PCDHA11: variants seen among roughly 807,000 people sequenced by gnomAD.
PCDHA11 encodes protocadherin alpha 11.
In PCDHA11, 61 loss-of-function variants were observed where a neutral mutation model predicts 70.3. The ratio of observed to expected loss-of-function variants is 0.87; its 90% CI spans 0.71 to 1.07. The LOEUF (loss-of-function observed/expected upper bound fraction) is 1.07, where lower values mean the gene tolerates loss of function less well. Among genes scored for constraint, PCDHA11 ranks in the 50% least tolerant of loss-of-function variants. The pLI, the probability that PCDHA11 is intolerant of heterozygous loss-of-function variation, is 0.00. For missense variants in PCDHA11, 1,324 were observed against 1,237.5 expected, an observed-to-expected ratio of 1.07 and a Z score of -1.05; for synonymous variants, 633 against 555.1, an observed-to-expected ratio of 1.14 and a Z score of -1.97.
chr5:140,875,792 A>G, intron 1 of PCDHA11: 1 of 1,614,116 alleles, frequency 6.2e-7, no homozygotes, highest in East Asian at 2.2e-5. Context: ...ATCCACCTGG[A>G]GGTGATCGTG....
chr5:140,926,976 GGA>G (rs1184794302), intron 1 of PCDHA11: 3 of 1,610,286 alleles, frequency 1.9e-6, no homozygotes, highest in Non-Finnish European at 2.5e-6. Context: ...CAGTGCCGGA[GGA>G]GACGGAGCGG....
intron 1 of PCDHA11, among the ~76,000 whole-genome samples, chr5:140,955,006 C>G (rs1304080416): frequency 6.6e-6 from 1 of 152,154 alleles, no homozygotes; most frequent in African/African-American, 2.4e-5. Flanking sequence ...AGCCAATTCT[C>G]CCAGCACCAT....
chr5:140,871,045 G>C lies in PCDHA11; in HGVS notation c.1942G>C (p.Val648Leu). 1 of 1,613,386 alleles carries C rather than the reference G, an allele frequency of 6.2e-7. No homozygotes were observed. Among genetic ancestry groups the C allele is most frequent in the African/African-American group, 1.3e-5 (1 of 75,068 alleles). The stretch of plus-strand genomic sequence containing the variant: ...AGACTCGCCGCGCCACCGACTTCTA[G>C]TACTGGTGAAGGATCACGGTGAGCC... ...EADSPRHRLL[V>L]LVKDHGEPAL... Residue 648 changes from valine to leucine, a missense_variant, in exon 1 of 4, where the codon GTA becomes CTA. Physicochemically the swap from Val to Leu is conservative, Grantham distance 32. Transcript: ENST00000398640.
intron 1 of PCDHA11, among the ~76,000 whole-genome samples, chr5:140,880,869 G>C (rs1017640769): frequency 6.6e-6 from 1 of 152,064 alleles, no homozygotes. Context: ...TATGTGAAGA[G>C]GTAAATAAAG....
intron 3 of PCDHA11, among the ~76,000 whole-genome samples, chr5:140,989,525 GAGGA>G (rs2097345403): frequency 6.6e-6 from 1 of 152,218 alleles, no homozygotes; most frequent in African/African-American, 2.4e-5. Flanking sequence ...GAGGGCAGAG[GAGGA>G]AGATAGTTTG....
chr5:140,957,954 T>G (rs2095401085), intron 1 of PCDHA11, among the ~76,000 whole-genome samples: 2 of 152,138 alleles, frequency 1.3e-5, no homozygotes, highest in Admixed American at 1.3e-4. Context: ...TTAAGACTAT[T>G]AATTCAGAGA....
rs1207012137 is a variant in PCDHA11, at chr5:140,870,443, T to G, written c.1340T>G (p.Val447Gly). ...TARVSVEVAD[V>G]NDNAPAFAQP... is the part of the protein sequence containing the mutation. ...AGGGTATCCGTGGAGGTGGCCGACG[T>G]GAACGACAATGCGCCTGCGTTCGCA... Residue 447 changes from valine to glycine, a missense_variant, in exon 1 of 4, where the codon GTG (valine) becomes GGG (glycine). Coordinates refer to ENST00000398640, the MANE Select transcript of PCDHA11 (RefSeq NM_018902.5). The G allele has an allele frequency of 6.2e-7, 1 of 1,614,094 alleles. No individual in the cohort carries two copies. The highest frequency in any genetic ancestry group is 8.5e-7 in the Non-Finnish European group (1 of 1,180,040).
chr5:140,911,404 A>G (rs2075457175), intron 1 of PCDHA11, among the ~76,000 whole-genome samples: 1 of 152,174 alleles, frequency 6.6e-6, no homozygotes, highest in African/African-American at 2.4e-5. Flanking sequence ...CAGGTCAGCC[A>G]CTGGTATGAT....
intron 1 of PCDHA11, chr5:140,927,167 C>A (rs782612848): frequency 6.2e-7 from 1 of 1,614,164 alleles, no homozygotes; most frequent in Admixed American, 1.7e-5. Context: ...GCCAAAGCTG[C>A]CTGCGTCTTG....
intron 1 of PCDHA11, among the ~76,000 whole-genome samples, chr5:140,964,114 C>T (rs1227257943): frequency 6.6e-6 from 1 of 151,992 alleles, no homozygotes; most frequent in Non-Finnish European, 1.5e-5. Context: ...TGAGCAATCA[C>T]ATTCTAACAA....
chr5:140,884,355 T>C, intron 1 of PCDHA11: 1 of 1,613,922 alleles, frequency 6.2e-7, no homozygotes, highest in Admixed American at 1.7e-5. Context: ...CTGGTGGATG[T>C]CAATGTTTAC....
chr5:140,952,192 G>T (rs572613863), intron 1 of PCDHA11, among the ~76,000 whole-genome samples: 3 of 152,080 alleles, frequency 2.0e-5, no homozygotes, highest in Non-Finnish European at 4.4e-5. Context: ...TCATGGGTTG[G>T]TGTTGAATGC....
intron 1 of PCDHA11, among the ~76,000 whole-genome samples, chr5:140,902,823 G>A (rs182466889): frequency 1.6e-3 from 246 of 151,864 alleles, no homozygotes; most frequent in Non-Finnish European, 2.9e-3. Flanking sequence ...TTTGGTTTTC[G>A]ATTTCTGAGT....
In PCDHA11 at chr5:140,869,747, C is replaced by G. The variant is rs1554163400; in HGVS notation, c.644C>G (p.Thr215Arg). 1.2e-6 allele frequency: 2 copies of G among 1,613,158 alleles called. No individual in the cohort carries two copies. Reference protein sequence around the residue: ...TPELNLLLTATDGGKPELTGT... With the variant: ...TPELNLLLTARDGGKPELTGT... Reference sequence around the variant, plus strand: ...GAACTTAATTTGCTGCTAACAGCTACAGACGGGGGAAAACCAGAGCTTACT... The same window carrying G: ...GAACTTAATTTGCTGCTAACAGCTAGAGACGGGGGAAAACCAGAGCTTACT... Residue 215 changes from threonine (T) to arginine (R), a missense_variant, in exon 1 of 4, where the codon ACA (threonine) becomes AGA (arginine). Coordinates refer to ENST00000398640, the MANE Select transcript of PCDHA11 (RefSeq NM_018902.5).
At chr5:141,008,014 CT>C (rs1268690822) in intron 3 of PCDHA11, among the ~76,000 whole-genome samples, 12 of 152,070 alleles carry the variant, frequency 7.9e-5, no homozygotes, top group African/African-American at 1.7e-4. Flanking sequence ...CTTCTGTTTC[CT>C]TTTTTTTCTT....
chr5:141,009,948 T>C lies in PCDHA11; in HGVS notation c.*11T>C, dbSNP rs201131092. 1 of 1,595,948 alleles carries C rather than the reference T, an allele frequency of 6.3e-7. No individual in the cohort carries two copies. The highest frequency in any genetic ancestry group is 1.4e-5 in the African/African-American group (1 of 73,610). On this transcript the variant is annotated 3_prime_UTR_variant, in exon 4 of 4. Coordinates refer to ENST00000398640, the MANE Select transcript of PCDHA11 (RefSeq NM_018902.5). ...AACAGTGACCAGTGAGGTCCTCAAA[T>C]GGAAACAAGCCACTTAGCCAGTTTT...
chr5:140,882,656 C>T, intron 1 of PCDHA11: 1 of 1,614,192 alleles, frequency 6.2e-7, no homozygotes, highest in Non-Finnish European at 8.5e-7. Flanking sequence ...TAACGACAAC[C>T]CGCCCATATT....
At chr5:140,901,405 G>A (rs1366026091) in intron 1 of PCDHA11, among the ~76,000 whole-genome samples, 1 of 152,128 alleles carries the variant, frequency 6.6e-6, no homozygotes, top group Non-Finnish European at 1.5e-5. Flanking sequence ...TGAGAGATAG[G>A]GGTCTAGTTT....
At chr5:140,954,577 A>T (rs1426426958) in intron 1 of PCDHA11, among the ~76,000 whole-genome samples, 2 of 151,954 alleles carry the variant, frequency 1.3e-5, no homozygotes, top group Non-Finnish European at 1.5e-5. Flanking sequence ...TTCTTTTCAG[A>T]AGTGTCTGTT....
Sources: gnomAD v4.1 joint callset for allele counts (sites outside exome capture counted in the v4.1 genomes callset) on GRCh38, gnomAD v4.1.1 for gene constraint, MANE v1.5 for transcripts, NCBI Gene and HGNC (gene_info 2026-07-23, HGNC 2026-07-21) for gene names.